Variants in OSBPL9 observed in about 807,000 individuals in gnomAD.
OSBPL9 encodes oxysterol binding protein like 9.
In OSBPL9, 40 loss-of-function variants were observed where a neutral mutation model predicts 106.6. That is an observed-to-expected ratio of 0.38 (90% CI 0.29 to 0.49). The LOEUF (loss-of-function observed/expected upper bound fraction) is 0.49. Ranked by LOEUF, OSBPL9 falls within the 20% of genes least tolerant of loss-of-function variation. The probability of loss-of-function intolerance (pLI) is 0.97; values close to 1 mark genes in which losing one functional copy is unlikely to be tolerated. For missense variants in OSBPL9, 609 were observed against 887.2 expected, an observed-to-expected ratio of 0.69 and a Z score of 3.98; for synonymous variants, 269 against 295.4, an observed-to-expected ratio of 0.91 and a Z score of 0.92.
chr1:51,725,104 C>G (rs1412817143), intron 4 of OSBPL9, among the ~76,000 whole-genome samples: 1 of 150,206 alleles, frequency 6.7e-6, no homozygotes, highest in Non-Finnish European at 1.5e-5. Flanking sequence ...TATTTTGTTC[C>G]AGGCTTTTTT....
intron 1 of OSBPL9, among the ~76,000 whole-genome samples, chr1:51,649,756 T>TG (rs1223629673): frequency 6.6e-6 from 1 of 151,224 alleles, no homozygotes; most frequent in East Asian, 1.9e-4. Flanking sequence ...TTTTTTTTTT[T>TG]TTACATTTTG....
At chr1:51,529,260 A>T in the OSBPL9 span, among the ~76,000 whole-genome samples, 5 of 151,194 alleles carry the variant, frequency 3.3e-5, no homozygotes, top group Non-Finnish European at 7.4e-5. Flanking sequence ...TTTTTTTGAG[A>T]CAAGAGTCTT....
At chr1:51,596,814 A>G (rs750653805) in intron 1 of OSBPL9, among the ~76,000 whole-genome samples, 12 of 152,176 alleles carry the variant, frequency 7.9e-5, no homozygotes, top group Non-Finnish European at 1.8e-4. Context: ...TCTATTTATT[A>G]AGGTCCTCCT....
At chr1:51,769,138 G>T (rs531408393) in intron 12 of OSBPL9, among the ~76,000 whole-genome samples, 1 of 152,150 alleles carries the variant, frequency 6.6e-6, no homozygotes, top group South Asian at 2.1e-4. Context: ...TCTCTGCCTG[G>T]CATCTGTAGC....
At chr1:51,618,265 C>G (rs1000714549) in intron 1 of OSBPL9, among the ~76,000 whole-genome samples, 1 of 152,032 alleles carries the variant, frequency 6.6e-6, no homozygotes, top group African/African-American at 2.4e-5. Flanking sequence ...GTGATCCACC[C>G]GCCTCGGCCT....
upstream of OSBPL9, among the ~76,000 whole-genome samples, chr1:51,573,266 T>C (rs1291956888): frequency 6.6e-6 from 1 of 150,818 alleles, no homozygotes; most frequent in Non-Finnish European, 1.5e-5. Context: ...CCCAACACTT[T>C]GGGAGGCAGA....
chr1:51,540,916 G>A, the OSBPL9 span, among the ~76,000 whole-genome samples: 33 of 146,286 alleles, frequency 2.3e-4, no homozygotes, highest in East Asian at 5.3e-3. Flanking sequence ...CCAAGATAGC[G>A]CCACTGCACT....
At chr1:51,715,261 T>C (rs1027234956) in intron 4 of OSBPL9, among the ~76,000 whole-genome samples, 1 of 152,164 alleles carries the variant, frequency 6.6e-6, no homozygotes, top group African/African-American at 2.4e-5. Flanking sequence ...CTTTAAGAAA[T>C]GAATATGAAA....
rs377202895 is a variant in OSBPL9, at chr1:51,769,327, A to G, written c.939-2743A>G. Among the ~76,000 whole-genome samples the G allele has an allele frequency of 1.8e-3, 274 of 152,324 alleles. 1 individual carries two copies. Among genetic ancestry groups the G allele is most frequent in the Non-Finnish European group, 3.5e-3 (235 of 68,018 alleles). On this transcript the variant is annotated intron_variant, in intron 12 of 23. Coordinates refer to ENST00000428468, the MANE Select transcript of OSBPL9 (RefSeq NM_024586.6). Reference sequence around the variant, plus strand: ...TACTAATGATAGCTTCTGTGTAACTATGGCACTGAGCACTGTAGTTTACAC... The same window carrying G: ...TACTAATGATAGCTTCTGTGTAACTGTGGCACTGAGCACTGTAGTTTACAC...
intron 2 of OSBPL9, among the ~76,000 whole-genome samples, chr1:51,667,704 G>T (rs1057270670): frequency 6.6e-6 from 1 of 152,200 alleles, no homozygotes; most frequent in African/African-American, 2.4e-5. Flanking sequence ...GGTTAACTCA[G>T]TTAATCACAA....
At chr1:51,752,637 C>T in intron 8 of OSBPL9, 1 of 445,030 alleles carries the variant, frequency 2.2e-6, no homozygotes, top group South Asian at 1.6e-5. Flanking sequence ...AGCCAGAAGT[C>T]CAAGATCAAC....
At chr1:51,776,141 C>T (rs983949711) in intron 14 of OSBPL9, among the ~76,000 whole-genome samples, 1 of 151,938 alleles carries the variant, frequency 6.6e-6, no homozygotes, top group Non-Finnish European at 1.5e-5. Context: ...TTTGTTGGTT[C>T]CCAGTCTGTA....
intron 1 of OSBPL9, among the ~76,000 whole-genome samples, chr1:51,588,730 G>A (rs1281696308): frequency 6.6e-6 from 1 of 152,200 alleles, no homozygotes; most frequent in Non-Finnish European, 1.5e-5. Flanking sequence ...CATTGAACTT[G>A]GTTTCCTGGG....
At chr1:51,552,995 CT>C in the OSBPL9 span, among the ~76,000 whole-genome samples, 3 of 151,194 alleles carry the variant, frequency 2.0e-5, no homozygotes, top group Non-Finnish European at 2.9e-5. Context: ...TTTTTTGTGC[CT>C]GTGTTTTTGC....
In OSBPL9 at chr1:51,787,984, G is replaced by A. The variant is rs367676469; in HGVS notation, c.*195G>A. 1.8e-5 allele frequency: 10 copies of A among 553,818 alleles called. No homozygotes were observed. Among genetic ancestry groups the A allele is most frequent in the African/African-American group, 5.8e-5 (3 of 52,106 alleles). The allele number at this position is 553,818 out of a possible 1,614,324, so 34.3% of individuals were successfully genotyped here. A position where few individuals can be genotyped will look rare whatever the true frequency, so the allele number is the denominator to read the frequency against. On this transcript the variant is annotated 3_prime_UTR_variant, in exon 24 of 24. Coordinates refer to ENST00000428468, the MANE Select transcript of OSBPL9 (RefSeq NM_024586.6). ...TCCCTTTTCCCTCTGTGGCAGTTAC[G>A]ATTTTGACTTCAGTCCTGAGAAAAA... is the stretch of plus-strand genomic sequence containing the variant.
intron 1 of OSBPL9, among the ~76,000 whole-genome samples, chr1:51,621,348 C>A (rs1461496509): frequency 2.6e-5 from 4 of 151,826 alleles, no homozygotes; most frequent in Admixed American, 2.6e-4. Flanking sequence ...AAAAATTTGC[C>A]CTGCTGTGGC....
At position 51,729,660 on chromosome 1, in the gene OSBPL9, C is replaced by T. The variant is rs1663857367; in HGVS notation, c.318+15581C>T. 1 of 380,094 alleles carries T rather than the reference C, an allele frequency of 2.6e-6. No individual in the cohort carries two copies. Among genetic ancestry groups the T allele is most frequent in the African/African-American group, 2.1e-5 (1 of 47,752 alleles). 23.5% of individuals were successfully genotyped at this position (380,094 alleles called of 1,614,324 possible). On this transcript the variant is annotated intron_variant, in intron 4 of 23. Coordinates refer to ENST00000428468, the MANE Select transcript of OSBPL9 (RefSeq NM_024586.6). The surrounding 1 kb of genome is among the most constrained non-coding windows in gnomAD (Gnocchi z 5.1). ...GCTGCCAGCTCCCTCGGCCTCTCCA[C>T]CCAAAACTGGCCCAACCGCCAATCG...
Position 51,668,634 on chromosome 1 carries a change from A to T in OSBPL9, c.163-800A>T, listed in dbSNP as rs189485995. On this transcript the variant is annotated intron_variant, in intron 2 of 23. Coordinates refer to ENST00000428468, the MANE Select transcript of OSBPL9 (RefSeq NM_024586.6). ...AGGCAACAGGGTGAGACTCTGTCTC[A>T]AAAAATAGTAATAAAAAAGTATTTT... is the stretch of plus-strand genomic sequence containing the variant. Among the ~76,000 whole-genome samples the T allele has an allele frequency of 4.7e-4, 72 of 152,322 alleles. 3 individuals carry two copies. In the South Asian group the frequency reaches 0.012, roughly 25 times the overall value.
chr1:51,635,703 T>G (rs1223381496), intron 1 of OSBPL9, among the ~76,000 whole-genome samples: 1 of 152,126 alleles, frequency 6.6e-6, no homozygotes, highest in African/African-American at 2.4e-5. Flanking sequence ...AAAGTGGTTC[T>G]CTCCACTCAC....
Sources: allele counts gnomAD v4.1 joint callset (sites outside exome capture counted in the v4.1 genomes callset), GRCh38; gene constraint gnomAD v4.1.1; non-coding constraint Gnocchi (gnomAD v3.1); transcripts MANE v1.5; gene names NCBI Gene and HGNC (gene_info 2026-07-23, HGNC 2026-07-21).